The following PRP4K variants were observed in gnomAD, a reference collection of about 807,000 sequenced individuals.
PRP4K encodes serine/threonine-protein kinase PRP4 homolog.
chr6:4,035,214 T>TA, the PRP4K span, among the ~76,000 whole-genome samples: 1 of 150,126 alleles, frequency 6.7e-6, no homozygotes. Context: ...CCTCCTGGGT[T>TA]CAAGCAATTC....
At chr6:4,036,574 G>C in the PRP4K span, among the ~76,000 whole-genome samples, 1 of 151,976 alleles carries the variant, frequency 6.6e-6, no homozygotes, top group Non-Finnish European at 1.5e-5. Context: ...GGGCTGCAGT[G>C]GCACAAACAC....
the PRP4K span, among the ~76,000 whole-genome samples, chr6:4,029,554 T>G: frequency 6.6e-4 from 101 of 152,256 alleles, 1 homozygote; most frequent in Non-Finnish European, 6.6e-4. Flanking sequence ...GGTCTCACTC[T>G]GTTGCCCAGG....
the PRP4K span, among the ~76,000 whole-genome samples, chr6:4,057,367 G>C: frequency 6.6e-6 from 1 of 152,212 alleles, no homozygotes; most frequent in Non-Finnish European, 1.5e-5. Flanking sequence ...GTTCTAATCA[G>C]CCAAGCGCTA....
chr6:4,030,610 G>A, the PRP4K span, among the ~76,000 whole-genome samples: 1 of 152,196 alleles, frequency 6.6e-6, no homozygotes, highest in Admixed American at 6.5e-5. Flanking sequence ...TTTTAACTCA[G>A]CATAAGCCAA....
At chr6:4,031,789 G>T in the PRP4K span, 33 of 1,613,086 alleles carry the variant, frequency 2.0e-5, no homozygotes, top group Non-Finnish European at 2.6e-5. Context: ...GATAAAGAGG[G>T]TATGTCTCCA....
chr6:4,043,021 AGAT>A, the PRP4K span, among the ~76,000 whole-genome samples: 4 of 152,246 alleles, frequency 2.6e-5, no homozygotes, highest in Non-Finnish European at 5.9e-5. Flanking sequence ...GACTAGAGCC[AGAT>A]GATGAAGAAG....
the PRP4K span, among the ~76,000 whole-genome samples, chr6:4,041,791 T>A: frequency 6.6e-6 from 1 of 152,128 alleles, no homozygotes; most frequent in Non-Finnish European, 1.5e-5. Context: ...CAAATCATGC[T>A]AAGGATGAAA....
the PRP4K span, among the ~76,000 whole-genome samples, chr6:4,043,322 G>A: frequency 1.3e-5 from 2 of 152,208 alleles, no homozygotes; most frequent in African/African-American, 4.8e-5. Context: ...TGATATCCCT[G>A]AAGATGTGGA....
At chr6:4,051,820 A>G in the PRP4K span, 1 of 550,156 alleles carries the variant, frequency 1.8e-6, no homozygotes, top group Non-Finnish European at 3.1e-6. Flanking sequence ...TTCTCAGTAG[A>G]TTTATTAGTA....
the PRP4K span, among the ~76,000 whole-genome samples, chr6:4,022,506 C>G: frequency 6.7e-6 from 1 of 148,266 alleles, no homozygotes; most frequent in African/African-American, 2.5e-5. Flanking sequence ...ACTGTCTGAT[C>G]TGTTTCCAGC....
At chr6:4,028,578 C>T in the PRP4K span, among the ~76,000 whole-genome samples, 2 of 152,144 alleles carry the variant, frequency 1.3e-5, no homozygotes, top group Admixed American at 1.3e-4. Context: ...ATCCAGAGAA[C>T]ACTACTGTAT....
the PRP4K span, chr6:4,032,890 T>C: frequency 9.6e-7 from 1 of 1,042,194 alleles, no homozygotes; most frequent in South Asian, 3.2e-5. Flanking sequence ...AGTTTCATAA[T>C]TTTAAGTAAC....
chr6:4,025,278 T>C, the PRP4K span, among the ~76,000 whole-genome samples: 1 of 152,244 alleles, frequency 6.6e-6, no homozygotes, highest in Non-Finnish European at 1.5e-5. Flanking sequence ...GTTAGGTTTC[T>C]TAACAAGAAA....
chr6:4,042,426 T>C, the PRP4K span: 1 of 1,317,520 alleles, frequency 7.6e-7, no homozygotes, highest in African/African-American at 1.5e-5. Flanking sequence ...GCCTTTAACT[T>C]TAAAATGTAT....
At chr6:4,027,527 T>A in the PRP4K span, among the ~76,000 whole-genome samples, 1 of 142,172 alleles carries the variant, frequency 7.0e-6, no homozygotes, top group African/African-American at 2.6e-5. Flanking sequence ...CCCTCTCAGC[T>A]CCACAGGATT....
At chr6:4,027,991 C>T in the PRP4K span, among the ~76,000 whole-genome samples, 1 of 152,054 alleles carries the variant, frequency 6.6e-6, no homozygotes, top group African/African-American at 2.4e-5. Context: ...TTGAATTAGC[C>T]TAAATTTTTC....
chr6:4,032,445 A>C, the PRP4K span: 5 of 1,614,180 alleles, frequency 3.1e-6, no homozygotes, highest in African/African-American at 6.7e-5. Flanking sequence ...GTCACGGTCC[A>C]AAGAGAGAAA....
the PRP4K span, chr6:4,051,869 C>T: frequency 2.6e-5 from 22 of 840,266 alleles, no homozygotes; most frequent in African/African-American, 3.5e-5. Flanking sequence ...ATCACCTGAT[C>T]GTCATACTGG....
chr6:4,042,350 GGTTTGGAAACAAAA>G, the PRP4K span: 1 of 631,344 alleles, frequency 1.6e-6, no homozygotes. Flanking sequence ...TAACTGAGAT[GGTTTGGAAACAAAA>G]GTAATAGGAC....
Sources: allele counts gnomAD v4.1 joint callset (sites outside exome capture counted in the v4.1 genomes callset), GRCh38; gene constraint gnomAD v4.1.1; transcripts MANE v1.5; gene names NCBI Gene and HGNC (gene_info 2026-07-23, HGNC 2026-07-21).